Variants in ABCC3 observed in about 807,000 individuals in gnomAD.
The protein encoded by ABCC3 is ATP-binding cassette sub-family C member 3.
Under a neutral mutation model 165.3 loss-of-function variants are expected in ABCC3, and 121 were observed. The observed-to-expected ratio is 0.73, with a 90% CI of 0.63 to 0.85. The LOEUF is 0.85. Ranked by LOEUF, ABCC3 falls within the 40% of genes least tolerant of loss-of-function variation. The probability of loss-of-function intolerance (pLI) is 0.00; values close to 1 mark genes in which losing one functional copy is unlikely to be tolerated. For synonymous variants in ABCC3, 733 were observed against 810.1 expected (o/e 0.90, Z 1.62); for missense variants, 1,869 against 1,964.1 (o/e 0.95, Z 0.92).
chr17:50,649,113 A>G (rs1170881459), intron 1 of ABCC3, among the ~76,000 whole-genome samples: 2 of 76,936 alleles, frequency 2.6e-5, no homozygotes, highest in East Asian at 4.6e-4. Context: ...CTCCATCTCA[A>G]AAAAAAAAAA....
In ABCC3 at chr17:50,673,370, G is replaced by A. The variant is rs567097890; in HGVS notation, c.2410-99G>A. 1.6e-3 allele frequency: 2,286 copies of A among 1,468,998 alleles called. 3 individuals are homozygous for A. Among genetic ancestry groups the A allele is most frequent in the Non-Finnish European group, 1.8e-3 (1,969 of 1,080,142 alleles). The allele number at this position is 1,468,998 out of a possible 1,614,324, so 91.0% of individuals were successfully genotyped here. ...ACCCATGTGCCTGTCCAAGCTCCCT[G>A]GCACATGGGCACACTTCACACTCAC... On this transcript the variant is annotated intron_variant, in intron 18 of 30. Coordinates refer to ENST00000285238, the MANE Select transcript of ABCC3 (RefSeq NM_003786.4).
At position 50,673,899 on chromosome 17, in the gene ABCC3, G is replaced by GT. The variant is rs540824487; in HGVS notation, c.2599+245dup. On this transcript the variant is annotated intron_variant, in intron 19 of 30. Coordinates refer to ENST00000285238, the MANE Select transcript of ABCC3 (RefSeq NM_003786.4). Reference sequence around the variant, plus strand: ...ATCCTCCGCCCCGGTCTCAGAGCCTGTTTTCTTTCTTTCTTTCTTTCTTTC... The same window carrying GT: ...ATCCTCCGCCCCGGTCTCAGAGCCTGTTTTTCTTTCTTTCTTTCTTTCTTTC... Among the ~76,000 whole-genome samples, 104 of 129,180 alleles carry GT rather than the reference G, an allele frequency of 8.1e-4. 2 individuals are homozygous for GT. The highest frequency in any genetic ancestry group is 1.1e-3 in the Non-Finnish European group (65 of 58,000). The allele number at this position is 129,180 out of a possible 152,430, so 84.7% of individuals were successfully genotyped here.
Position 50,671,914 on chromosome 17 carries a change from G to A in ABCC3, c.2242-1057G>A, listed in dbSNP as rs145982442. Among the ~76,000 whole-genome samples, 831 of 151,658 alleles carry A rather than the reference G, an allele frequency of 5.5e-3. 8 individuals carry two copies. The highest frequency in any genetic ancestry group is 0.04 in the South Asian group (194 of 4,792). On this transcript the variant is annotated intron_variant, in intron 17 of 30. Transcript: ENST00000285238. ...ATTTTTGTATTTTTAGTAGAGATGG[G>A]TTTCACCATATTGGCCATGCTGGTC...
At chr17:50,676,219 G>T (rs1967802699) in intron 22 of ABCC3, 59 bp from the exon 23 acceptor site, 1 of 1,586,660 alleles carries the variant, frequency 6.3e-7, no homozygotes, top group Non-Finnish European at 8.6e-7. Context: ...CTCTGATTCT[G>T]CCCCTTTGTG....
intron 2 of ABCC3, 137 bp downstream of exon 2, chr17:50,656,145 G>GC: frequency 8.5e-6 from 6 of 704,856 alleles, no homozygotes; most frequent in Non-Finnish European, 1.2e-5. Flanking sequence ...GAGTGCAGTG[G>GC]CATGATCTTG....
chr17:50,642,555 T>A (rs1966912928), intron 1 of ABCC3, among the ~76,000 whole-genome samples: 1 of 152,190 alleles, frequency 6.6e-6, no homozygotes, highest in Non-Finnish European at 1.5e-5. Context: ...CGAAGTGCTT[T>A]GCTGTTCATT....
In ABCC3 at chr17:50,682,553, G is replaced by A. The variant is rs180731321; in HGVS notation, c.3808-1057G>A. On this transcript the variant is annotated intron_variant, in intron 26 of 30. Coordinates refer to ENST00000285238, the MANE Select transcript of ABCC3 (RefSeq NM_003786.4). The stretch of plus-strand genomic sequence containing the variant: ...ACACCTAGAGCCATTTATGCCTGCT[G>A]TTCCCTCTGCCTGGCATGCCCTCCC... 1.6e-3 allele frequency among the ~76,000 whole-genome samples: 242 copies of A among 152,072 alleles called. 2 individuals carry two copies. The highest frequency in any genetic ancestry group is 2.6e-3 in the Non-Finnish European group (176 of 68,002).
intron 14 of ABCC3, 82 bp from the exon 15 acceptor site, chr17:50,668,771 T>A: frequency 8.2e-7 from 1 of 1,212,814 alleles, no homozygotes; most frequent in Non-Finnish European, 1.2e-6. Context: ...CCTGTCCTCC[T>A]TTCCCCTGCC....
intron 11 of ABCC3, among the ~76,000 whole-genome samples, chr17:50,667,257 G>T (rs1474834650): frequency 6.6e-6 from 1 of 151,528 alleles, no homozygotes; most frequent in Non-Finnish European, 1.5e-5. Flanking sequence ...ATAAGAAGAA[G>T]AAAAAGAAGT....
chr17:50,686,138 G>A (rs905411449), intron 29 of ABCC3, among the ~76,000 whole-genome samples: 4 of 145,346 alleles, frequency 2.8e-5, no homozygotes, highest in African/African-American at 1.0e-4. Context: ...AGGTTGCAGT[G>A]AGCCAAGATC....
chr17:50,657,985 C>A, intron 4 of ABCC3, 97 bp from the exon 5 acceptor site: 1 of 1,569,628 alleles, frequency 6.4e-7, no homozygotes. Context: ...TGCCTCCTGC[C>A]CCAGAGGAGA....
intron 1 of ABCC3, among the ~76,000 whole-genome samples, chr17:50,642,007 AAAG>A: frequency 6.6e-6 from 1 of 152,168 alleles, no homozygotes; most frequent in Non-Finnish European, 1.5e-5. Context: ...AAAAAAAAAA[AAAG>A]AACAGTTGAA....
rs1161295311 is a variant in ABCC3, at chr17:50,667,554, G to T, written c.1432G>T (p.Val478Leu). ...ACTGACACTCTTTCTGCCTGCACAG[G>T]TAAAGCAAATGAAATTGAAGGACTC... Reference protein sequence around the residue: ...AVAVKMRAFQVKQMKLKDSRI... With the variant: ...AVAVKMRAFQLKQMKLKDSRI... The change falls in exon 12 of 31, where the codon GTA (valine) becomes TTA (leucine). Residue 478 changes from valine to leucine, a missense_variant and splice_region_variant. By Grantham distance (32) the Val-to-Leu change is conservative. Transcript: ENST00000285238. 2.5e-6 allele frequency: 4 copies of T among 1,607,416 alleles called. No individual in the cohort carries two copies. The Admixed American group carries it at 6.7e-5, about 27-fold the overall frequency.
chr17:50,646,615 T>A (rs1220949930), intron 1 of ABCC3, among the ~76,000 whole-genome samples: 1 of 152,040 alleles, frequency 6.6e-6, no homozygotes, highest in Non-Finnish European at 1.5e-5. Context: ...GGCAGGGGAA[T>A]CAGCAAAGAG....
intron 10 of ABCC3, chr17:50,664,793 T>A (rs1261505577): frequency 9.2e-6 from 2 of 218,386 alleles, no homozygotes; most frequent in South Asian, 1.6e-4. Context: ...AGGATGCTGA[T>A]GTCTGCAAAG....
In ABCC3 at chr17:50,659,297, A is replaced by G; in HGVS notation, c.735A>G (p.Glu245=). The G allele has an allele frequency of 6.2e-7, 1 of 1,613,862 alleles. No homozygotes were observed. The change falls in exon 7 of 31, where the codon GAA becomes GAG. Residue 245 remains glutamate (E), a synonymous_variant. Transcript: ENST00000285238. ...AGAAGGACCTCTGGTCCCTAAAGGAAGAGGACAGATCCCAGATGGTGGTGC... is the reference window on the plus strand; with the variant it reads ...AGAAGGACCTCTGGTCCCTAAAGGAGGAGGACAGATCCCAGATGGTGGTGC... The part of the protein sequence containing the change: ...LEEKDLWSLK[E]EDRSQMVVQQ...
chr17:50,640,417 C>T (rs1374351573), intron 1 of ABCC3, among the ~76,000 whole-genome samples: 3 of 152,232 alleles, frequency 2.0e-5, no homozygotes, highest in Admixed American at 6.5e-5. Context: ...GCTCAGTGAA[C>T]CAAAGCCCCT....
intron 18 of ABCC3, 36 bp from the exon 19 acceptor site, chr17:50,673,433 G>C (rs375014349): frequency 2.7e-5 from 44 of 1,603,606 alleles, no homozygotes; most frequent in Non-Finnish European, 3.3e-5. Flanking sequence ...TGTGCTGGAG[G>C]GTGGTAGGGG....
At chr17:50,669,792 CTT>C (rs10714203) in intron 17 of ABCC3, among the ~76,000 whole-genome samples, 99 of 150,552 alleles carry the variant, frequency 6.6e-4, no homozygotes, top group African/African-American at 2.1e-3. Flanking sequence ...AAGAGCATCA[CTT>C]TTTTTTTTTC....
Sources: allele counts gnomAD v4.1 joint callset (sites outside exome capture counted in the v4.1 genomes callset), GRCh38; gene constraint gnomAD v4.1.1; transcripts MANE v1.5; gene names NCBI Gene and HGNC (gene_info 2026-07-23, HGNC 2026-07-21).